Variants in KBTBD2 observed in about 807,000 individuals in gnomAD.
KBTBD2 encodes the protein kelch repeat and BTB domain-containing protein 2.
KBTBD2 carries 17 observed loss-of-function variants against 57.1 expected under a neutral mutation model. The ratio of observed to expected loss-of-function variants is 0.30; its 90% CI spans 0.20 to 0.45. The LOEUF (loss-of-function observed/expected upper bound fraction) is 0.45, where lower values mean the gene tolerates loss of function less well. Among genes scored for constraint, KBTBD2 ranks in the 20% least tolerant of loss-of-function variants. KBTBD2 has a pLI of 1.00. For missense variants in KBTBD2, 515 were observed against 750.6 expected, an observed-to-expected ratio of 0.69 and a Z score of 3.67; for synonymous variants, 267 against 262.7, an observed-to-expected ratio of 1.02 and a Z score of -0.16.
intron 2 of KBTBD2, 22 bp from the exon 3 acceptor site, chr7:32,875,179 C>G: frequency 6.2e-7 from 1 of 1,608,024 alleles, no homozygotes; most frequent in Non-Finnish European, 8.5e-7. Flanking sequence ...ATGAAGAAAA[C>G]AAAGTTGTAA....
Position 32,891,615 on chromosome 7 carries a change from G to A in KBTBD2, c.-418C>T, listed in dbSNP as rs1457309332. The A allele has an allele frequency of 6.7e-6, 1 of 149,370 alleles. No homozygotes were observed. Among genetic ancestry groups the A allele is most frequent in the Non-Finnish European group, 1.5e-5 (1 of 67,002 alleles). 9.3% of individuals were successfully genotyped at this position (149,370 alleles called of 1,614,324 possible). A position where few individuals can be genotyped will look rare whatever the true frequency, so the allele number is the denominator to read the frequency against. Reference sequence around the variant, plus strand: ...CACTGGGCCCCTCCGGCGCGGCGGCGGGGGCGTGGCCCTCCCGCCGCGGCC... The same window carrying A: ...CACTGGGCCCCTCCGGCGCGGCGGCAGGGGCGTGGCCCTCCCGCCGCGGCC... On this transcript the variant is annotated 5_prime_UTR_variant, in exon 1 of 4. Coordinates refer to ENST00000304056, the MANE Select transcript of KBTBD2 (RefSeq NM_015483.3).
intron 2 of KBTBD2, 142 bp downstream of exon 2, chr7:32,879,293 T>G (rs887300862): frequency 1.7e-6 from 1 of 593,332 alleles, no homozygotes; most frequent in Non-Finnish European, 2.9e-6. Context: ...CTCTTACACA[T>G]GCAAGAATGA....
intron 1 of KBTBD2, 150 bp downstream of exon 1, chr7:32,891,386 C>A (rs1277117642): frequency 6.7e-6 from 1 of 148,798 alleles, no homozygotes; most frequent in African/African-American, 2.4e-5. Context: ...GCGGCGGAAG[C>A]GTCTCGGGTT....
At chr7:32,890,204 A>C (rs894792797) in intron 1 of KBTBD2, among the ~76,000 whole-genome samples, 2 of 152,206 alleles carry the variant, frequency 1.3e-5, no homozygotes, top group African/African-American at 2.4e-5. Flanking sequence ...GACAGAAAAC[A>C]ACCTCTTGAG....
At chr7:32,885,787 CTTCTT>C (rs759317335) in intron 1 of KBTBD2, among the ~76,000 whole-genome samples, 25 of 152,144 alleles carry the variant, frequency 1.6e-4, no homozygotes, top group South Asian at 6.2e-4. Context: ...ATTCTTACTC[CTTCTT>C]TTAAGTCCTG....
chr7:32,885,909 C>CTT (rs10671216), intron 1 of KBTBD2, among the ~76,000 whole-genome samples: 95,124 of 141,606 alleles, frequency 0.67, 32,503 homozygotes, highest in African/African-American at 0.78. Context: ...TGTCTACACA[C>CTT]TTTTTTTTTT....
At position 32,869,477 on chromosome 7, in the gene KBTBD2, T is replaced by G. The variant is rs1784113638; in HGVS notation, c.1740A>C (p.Arg580=). 6.2e-7 allele frequency: 1 copy of G among 1,613,932 alleles called. No homozygotes were observed. Among genetic ancestry groups the G allele is most frequent in the African/African-American group, 1.3e-5 (1 of 74,870 alleles). The change falls in exon 4 of 4, where the codon CGA becomes CGC. Residue 580 remains arginine, a synonymous_variant. Transcript: ENST00000304056. ...RVLWDLGRDF[R]CTVGKLYPSC... ...ATGGATAGAGTTTCCCCACAGTGCA[T>G]CGAAAATCTCTCCCCAAGTCCCACA...
chr7:32,892,007 C>G (rs998341728), upstream of KBTBD2: 171 of 42,612 alleles, frequency 4.0e-3, 2 homozygotes, highest in African/African-American at 0.052. Context: ...CCTCCCGCCT[C>G]GCGCGCGCGC....
rs1240681277 is a variant in KBTBD2, at chr7:32,877,879, C to T, written c.170+1556G>A. Among the ~76,000 whole-genome samples the T allele has an allele frequency of 2.0e-5, 3 of 151,968 alleles. No individual in the cohort carries two copies. The East Asian group carries it at 5.8e-4, about 29-fold the overall frequency. On this transcript the variant is annotated intron_variant, in intron 2 of 3. Coordinates refer to ENST00000304056, the MANE Select transcript of KBTBD2 (RefSeq NM_015483.3). ...ATTCCAGCACTTTGGGAGGCCGAGG[C>T]GGGTGGATCACTTGAGATCAGGAGT... is the stretch of plus-strand genomic sequence containing the variant.
In KBTBD2 at chr7:32,891,694, C is replaced by T. The variant is rs1784751758; in HGVS notation, c.-497G>A. 6.6e-6 allele frequency: 1 copy of T among 151,582 alleles called. No homozygotes were observed. The highest frequency in any genetic ancestry group is 1.5e-5 in the Non-Finnish European group (1 of 68,044). 9.4% of individuals were successfully genotyped at this position (151,582 alleles called of 1,614,324 possible). On this transcript the variant is annotated 5_prime_UTR_variant, in exon 1 of 4. Coordinates refer to ENST00000304056, the MANE Select transcript of KBTBD2 (RefSeq NM_015483.3). ...CCGAGGAAGGCTGGCGCCGCCGCCTCTTCCTTCCGGTTTCCCCTCGCACCC... is the reference window on the plus strand; with the variant it reads ...CCGAGGAAGGCTGGCGCCGCCGCCTTTTCCTTCCGGTTTCCCCTCGCACCC...
At chr7:32,873,317 T>C (rs1296377497) in intron 3 of KBTBD2, among the ~76,000 whole-genome samples, 1 of 143,008 alleles carries the variant, frequency 7.0e-6, no homozygotes, top group Non-Finnish European at 1.5e-5. Flanking sequence ...TAAATATTTA[T>C]CATAATTTCC....
At chr7:32,873,492 G>A (rs1784232352) in intron 3 of KBTBD2, among the ~76,000 whole-genome samples, 1 of 151,906 alleles carries the variant, frequency 6.6e-6, no homozygotes, top group Non-Finnish European at 1.5e-5. Context: ...CCAGCACTTT[G>A]GGAGGCCAAG....
intron 1 of KBTBD2, among the ~76,000 whole-genome samples, chr7:32,884,296 T>TGG (rs1474307228): frequency 6.6e-5 from 10 of 151,972 alleles, no homozygotes; most frequent in Non-Finnish European, 1.0e-4. Context: ...GAGGGTACCT[T>TGG]GAGGCCAAGA....
rs1257618729 is a variant in KBTBD2, at chr7:32,876,822, T to C, written c.171-1665A>G. On this transcript the variant is annotated intron_variant, in intron 2 of 3. Transcript: ENST00000304056. ...AAATACAAAAATTTGCTGGGCGTGG[T>C]GGCAGGTGCCTGTAATCCCAACTAC... Among the ~76,000 whole-genome samples the C allele has an allele frequency of 3.9e-5, 6 of 152,084 alleles. No individual in the cohort carries two copies. In the East Asian group the frequency reaches 9.8e-4, roughly 25 times the overall value.
At position 32,869,869 on chromosome 7, in the gene KBTBD2, C is replaced by G. The variant is rs750311055; in HGVS notation, c.1348G>C (p.Val450Leu). 1 of 1,613,662 alleles carries G rather than the reference C, an allele frequency of 6.2e-7. No individual in the cohort carries two copies. The highest frequency in any genetic ancestry group is 1.1e-5 in the South Asian group (1 of 91,076). ...CTAGTCTGTCTCATGGCCATTTCTA[C>G]CCATGAGTCAGACCTTGGAAAATAA... ...YCYFPRSDSW[V>L]EMAMRQTSRS... is the part of the protein sequence containing the mutation. The change falls in exon 4 of 4, where the codon GTA (valine) becomes CTA (leucine). Residue 450 changes from valine to leucine, a missense_variant. Coordinates refer to ENST00000304056, the MANE Select transcript of KBTBD2 (RefSeq NM_015483.3).
intron 1 of KBTBD2, among the ~76,000 whole-genome samples, chr7:32,881,245 C>A (rs140409767): frequency 2.0e-5 from 3 of 151,564 alleles, no homozygotes; most frequent in African/African-American, 7.3e-5. Flanking sequence ...ATACTGCATA[C>A]CATTCATCAA....
In KBTBD2 at chr7:32,890,703, C is replaced by A. The variant is rs949100922; in HGVS notation, c.-339+833G>T. 7.0e-4 allele frequency among the ~76,000 whole-genome samples: 106 copies of A among 152,346 alleles called. 2 individuals are homozygous for A. The highest frequency in any genetic ancestry group is 2.3e-3 in the African/African-American group (96 of 41,580). On this transcript the variant is annotated intron_variant, in intron 1 of 3. Coordinates refer to ENST00000304056, the MANE Select transcript of KBTBD2 (RefSeq NM_015483.3). Reference sequence around the variant, plus strand: ...ATTGACACAGAAGATAGTTCACACACACACCCTTTTAAAGTTCATTTTGTA... The same window carrying A: ...ATTGACACAGAAGATAGTTCACACAAACACCCTTTTAAAGTTCATTTTGTA...
Position 32,870,862 on chromosome 7 carries a change from G to A in KBTBD2, c.355C>T (p.Arg119Cys), listed in dbSNP as rs1233335707. The change falls in exon 4 of 4, where the codon CGT becomes TGT. Residue 119 changes from arginine to cysteine, a missense_variant. By Grantham distance (180) the Arg-to-Cys change is radical. Coordinates refer to ENST00000304056, the MANE Select transcript of KBTBD2 (RefSeq NM_015483.3). ...TTTTTAATTAAATATTCTCGACAAC[G>A]TTGTAACACATCTTCTACCTAGAAT... The part of the protein sequence containing the change: ...CFLQVEDVLQ[R>C]CREYLIKKIN... 8.9e-6 allele frequency: 14 copies of A among 1,569,414 alleles called. No homozygotes were observed. The Admixed American group carries it at 9.1e-5, about 10-fold the overall frequency.
chr7:32,890,668 C>T (rs917462351), intron 1 of KBTBD2, among the ~76,000 whole-genome samples: 2 of 152,216 alleles, frequency 1.3e-5, no homozygotes, highest in Non-Finnish European at 2.9e-5. Context: ...CCTACGTCTT[C>T]ATAAGGCTAA....
Sources: allele counts gnomAD v4.1 joint callset (sites outside exome capture counted in the v4.1 genomes callset), GRCh38; gene constraint gnomAD v4.1.1; transcripts MANE v1.5; gene names NCBI Gene and HGNC (gene_info 2026-07-23, HGNC 2026-07-21).